Variants in CLEC2A observed in about 807,000 individuals in gnomAD.
CLEC2A encodes the protein keratinocyte-associated C-type lectin.
A neutral mutation model predicts 18.6 loss-of-function variants in CLEC2A; 19 were observed. The ratio of observed to expected loss-of-function variants is 1.02; its 90% CI spans 0.71 to 1.50. The LOEUF (loss-of-function observed/expected upper bound fraction) is 1.50. Ranked by LOEUF, CLEC2A falls within the 40% of genes most tolerant of loss-of-function variation. The pLI is 0.00. For missense variants in CLEC2A, 190 were observed against 207.9 expected (o/e 0.91, Z 0.53); for synonymous variants, 74 against 64.0 (o/e 1.16, Z -0.75).
the CLEC2A span, among the ~76,000 whole-genome samples, chr12:9,889,297 A>G: frequency 2.6e-5 from 4 of 152,194 alleles, no homozygotes; most frequent in Non-Finnish European, 5.9e-5. Context: ...TTTCTGTGTC[A>G]ACTTGGCTAG....
downstream of CLEC2A, among the ~76,000 whole-genome samples, chr12:9,912,318 C>A (rs1862999248): frequency 6.6e-6 from 1 of 152,010 alleles, no homozygotes; most frequent in Non-Finnish European, 1.5e-5. Context: ...GGCCGTGAGT[C>A]CCAACCCCTG....
chr12:9,920,359 C>G (rs768325849), intron 3 of CLEC2A, among the ~76,000 whole-genome samples: 19 of 152,164 alleles, frequency 1.2e-4, no homozygotes, highest in Non-Finnish European at 2.6e-4. Context: ...TGAAGCTCCA[C>G]TTAGCTCTGT....
At chr12:9,898,924 G>T in exon 5 of CLEC2A, 1 of 716,440 alleles carries the variant, frequency 1.4e-6, no homozygotes. Context: ...GGTCCCAGCA[G>T]AAGAAGCCAT....
At chr12:9,905,657 C>T (rs932322618) in intron 4 of CLEC2A, among the ~76,000 whole-genome samples, 21 of 152,172 alleles carry the variant, frequency 1.4e-4, no homozygotes, top group African/African-American at 4.6e-4. Context: ...GAGTCTGGTT[C>T]ATTCTTTCTA....
At chr12:9,931,823 A>T (rs1863380140) in intron 1 of CLEC2A, among the ~76,000 whole-genome samples, 1 of 152,042 alleles carries the variant, frequency 6.6e-6, no homozygotes, top group African/African-American at 2.4e-5. Flanking sequence ...GTTTTTATTT[A>T]TTGGTTTGTT....
At chr12:9,927,870 G>T (rs147912153) in intron 1 of CLEC2A, among the ~76,000 whole-genome samples, 181 of 151,426 alleles carry the variant, frequency 1.2e-3, no homozygotes, top group Non-Finnish European at 1.8e-3. Context: ...TGAAGAACAA[G>T]GAAGAAGAAA....
At chr12:9,903,579 A>G (rs932988952) in intron 4 of CLEC2A, among the ~76,000 whole-genome samples, 2 of 152,206 alleles carry the variant, frequency 1.3e-5, no homozygotes, top group Admixed American at 6.5e-5. Context: ...TTGAGTTCCA[A>G]TCATGACACA....
rs1165872693 is a variant in CLEC2A, at chr12:9,922,125, T to C, written c.247A>G (p.Lys83Glu). ...GCTTTCTGCAAACTACAAAATATTTTACTGGCTGTCCAATTTCTGGTATCA... is the reference window on the plus strand; with the variant it reads ...GCTTTCTGCAAACTACAAAATATTTCACTGGCTGTCCAATTTCTGGTATCA... ...SDDTRNWTAS[K>E]IFCSLQKAEL... is the part of the protein sequence containing the mutation. The change falls in exon 3 of 5, where the codon AAA becomes GAA. Residue 83 changes from lysine to glutamate, a missense_variant. By Grantham distance (56) the Lys-to-Glu change is moderately conservative. Coordinates refer to ENST00000455827, the MANE Select transcript of CLEC2A (RefSeq NM_001130711.2). The C allele has an allele frequency of 6.4e-7, 1 of 1,551,150 alleles. No homozygotes were observed. Among genetic ancestry groups the C allele is most frequent in the Non-Finnish European group, 8.7e-7 (1 of 1,146,720 alleles).
the CLEC2A span, chr12:9,884,984 A>C: frequency 7.4e-7 from 1 of 1,348,014 alleles, no homozygotes; most frequent in Non-Finnish European, 9.6e-7. Flanking sequence ...ATTTGGATGC[A>C]TTGTGATCCT....
chr12:9,905,338 C>T (rs779555843), intron 4 of CLEC2A, among the ~76,000 whole-genome samples: 3 of 152,096 alleles, frequency 2.0e-5, no homozygotes, highest in South Asian at 2.1e-4. Context: ...TTGATGAGAA[C>T]GTGATCCCTA....
chr12:9,926,395 G>T (rs772803571), intron 1 of CLEC2A, 52 bp from the exon 2 acceptor site: 8 of 1,098,124 alleles, frequency 7.3e-6, no homozygotes, highest in African/African-American at 3.1e-5. Flanking sequence ...ACACTGACTC[G>T]ATATTATTAC....
intron 4 of CLEC2A, among the ~76,000 whole-genome samples, chr12:9,904,704 A>G (rs56916728): frequency 0.099 from 15,103 of 152,118 alleles, 1,124 homozygotes; most frequent in East Asian, 0.34. Context: ...AACCAATACC[A>G]TTCAAATATG....
the CLEC2A span, among the ~76,000 whole-genome samples, chr12:9,887,237 G>A: frequency 1.4e-4 from 21 of 151,964 alleles, no homozygotes; most frequent in South Asian, 3.5e-3. Flanking sequence ...CACTAAGTTC[G>A]GAACAGAATA....
At chr12:9,881,345 C>A in the CLEC2A span, 1 of 374,850 alleles carries the variant, frequency 2.7e-6, no homozygotes, top group Admixed American at 4.2e-5. Flanking sequence ...AACAGTGGAA[C>A]ACACTAGCTA....
At chr12:9,917,141 C>G (rs1404374666) in intron 3 of CLEC2A, among the ~76,000 whole-genome samples, 1 of 152,140 alleles carries the variant, frequency 6.6e-6, no homozygotes, top group Non-Finnish European at 1.5e-5. Context: ...GCAATGAAAT[C>G]TATTATGTGA....
the CLEC2A span, chr12:9,885,069 GA>G: frequency 1.3e-6 from 1 of 762,360 alleles, no homozygotes; most frequent in Non-Finnish European, 1.8e-6. Context: ...AACATTTTCA[GA>G]AGATAAATGT....
intron 1 of CLEC2A, among the ~76,000 whole-genome samples, chr12:9,928,007 C>G (rs545535201): frequency 3.3e-5 from 5 of 152,118 alleles, no homozygotes; most frequent in African/African-American, 7.2e-5. Flanking sequence ...CATCAGCTTA[C>G]AAAATTTATT....
chr12:9,891,310 A>G, the CLEC2A span, among the ~76,000 whole-genome samples: 8 of 152,274 alleles, frequency 5.3e-5, no homozygotes, highest in South Asian at 4.1e-4. Context: ...CTCAATTTTC[A>G]TCCTGTATTT....
At chr12:9,882,231 CAT>C in the CLEC2A span, among the ~76,000 whole-genome samples, 1 of 151,298 alleles carries the variant, frequency 6.6e-6, no homozygotes, top group Admixed American at 6.6e-5. Flanking sequence ...GTTAAGATGA[CAT>C]AGGCCAGAAA....
Sources: gnomAD v4.1 joint callset for allele counts (sites outside exome capture counted in the v4.1 genomes callset) on GRCh38, gnomAD v4.1.1 for gene constraint, MANE v1.5 for transcripts, NCBI Gene and HGNC (gene_info 2026-07-23, HGNC 2026-07-21) for gene names.